The following TP53BP2 variants were observed in gnomAD, a reference collection of about 807,000 sequenced individuals.
The protein encoded by TP53BP2 is apoptosis-stimulating of p53 protein 2.
TP53BP2 carries 62 observed loss-of-function variants against 126.2 expected under a neutral mutation model. The observed-to-expected ratio is 0.49, with a 90% CI of 0.40 to 0.61. TP53BP2 has a LOEUF of 0.61. Among genes scored for constraint, TP53BP2 ranks in the 20% least tolerant of loss-of-function variants. The probability of loss-of-function intolerance (pLI) is 0.00; values close to 1 mark genes in which losing one functional copy is unlikely to be tolerated. For missense variants in TP53BP2, 1,215 were observed against 1,402.8 expected (o/e 0.87, Z 2.14); for synonymous variants, 485 against 502.9 (o/e 0.96, Z 0.48).
At chr1:223,806,571 C>T (rs181109227) in intron 5 of TP53BP2, among the ~76,000 whole-genome samples, 1 of 152,134 alleles carries the variant, frequency 6.6e-6, no homozygotes, top group Non-Finnish European at 1.5e-5. Flanking sequence ...CGCCTGTAAT[C>T]CCAACACTTT....
At chr1:223,825,732 C>A (rs1192984423) in intron 1 of TP53BP2, among the ~76,000 whole-genome samples, 3 of 152,134 alleles carry the variant, frequency 2.0e-5, no homozygotes, top group Non-Finnish European at 4.4e-5. Flanking sequence ...GGTAATACTA[C>A]AGACAGTACA....
intron 1 of TP53BP2, among the ~76,000 whole-genome samples, chr1:223,834,211 G>C (rs1377570981): frequency 6.6e-6 from 1 of 152,184 alleles, no homozygotes; most frequent in Non-Finnish European, 1.5e-5. Flanking sequence ...AAAGTCACTA[G>C]AGTAGTGATT....
chr1:223,781,490 T>C (rs907523673), intron 17 of TP53BP2, among the ~76,000 whole-genome samples: 7 of 152,164 alleles, frequency 4.6e-5, no homozygotes, highest in African/African-American at 1.7e-4. Context: ...GCAAGGCCTC[T>C]AGGCCTGAGC....
At chr1:223,800,094 G>C (rs762078073) in intron 10 of TP53BP2, 47 bp from the exon 11 acceptor site, 1 of 1,528,758 alleles carries the variant, frequency 6.5e-7, no homozygotes, top group Non-Finnish European at 8.8e-7. Flanking sequence ...TTAGAATAAA[G>C]TATCTCATTC....
At chr1:223,812,630 G>C (rs1473905673) in intron 3 of TP53BP2, among the ~76,000 whole-genome samples, 4 of 152,102 alleles carry the variant, frequency 2.6e-5, no homozygotes, top group Non-Finnish European at 5.9e-5. Flanking sequence ...TGCCATCTCG[G>C]CTCACTGCAA....
At position 223,810,514 on chromosome 1, in the gene TP53BP2, C is replaced by T; in HGVS notation, c.290-1G>A. On this transcript the variant is annotated splice_acceptor_variant, in intron 3 of 17. Transcript: ENST00000343537. LOFTEE classifies it high-confidence loss of function. ...GGATCCTGAGATCTTGGTCCACTCA[C>T]TAAGGACAAAATTCAAAAACTATGC... The T allele has an allele frequency of 2.5e-6, 4 of 1,597,016 alleles. No homozygotes were observed. The highest frequency in any genetic ancestry group is 3.4e-6 in the Non-Finnish European group (4 of 1,171,406).
chr1:223,796,182 C>T lies in TP53BP2; in HGVS notation c.2357G>A (p.Ser786Asn). 6.2e-7 allele frequency: 1 copy of T among 1,614,196 alleles called. No homozygotes were observed. Among genetic ancestry groups the T allele is most frequent in the Non-Finnish European group, 8.5e-7 (1 of 1,180,044 alleles). Residue 786 changes from serine to asparagine, a missense_variant, in exon 13 of 18, where the codon AGC becomes AAC. Around this residue, in one of 4 missense-constraint regions of TP53BP2, gnomAD observed 204 missense variants for 225.7 expected, o/e 0.90. Coordinates refer to ENST00000343537, the MANE Select transcript of TP53BP2 (RefSeq NM_001031685.3). This position sits in a 1 kb window ranked among gnomAD's most constrained non-coding sequence, Gnocchi z 4.2. ...YPSKSASVTASSESPVEIQNP... is the reference protein window; with the variant it reads ...YPSKSASVTANSESPVEIQNP... ...CTGGATTTCTACTGGGCTTTCTGAG[C>T]TGGCAGTCACAGAAGCTGACTTGGA...
At chr1:223,844,583 A>T (rs1462107157) in intron 1 of TP53BP2, among the ~76,000 whole-genome samples, 1 of 152,340 alleles carries the variant, frequency 6.6e-6, no homozygotes, top group East Asian at 1.9e-4. Flanking sequence ...TAATACTTTC[A>T]AATTCCTTGA....
intron 1 of TP53BP2, among the ~76,000 whole-genome samples, chr1:223,828,466 T>C (rs1302131936): frequency 1.3e-5 from 2 of 152,188 alleles, no homozygotes; most frequent in African/African-American, 4.8e-5. Context: ...CACATACCAT[T>C]CTTATTCATA....
Position 223,796,453 on chromosome 1 carries a change from T to C in TP53BP2, c.2086A>G (p.Asn696Asp). The C allele has an allele frequency of 6.2e-7, 1 of 1,614,198 alleles. No individual in the cohort carries two copies. ...PVSSVQENHE[N>D]ERIPRPLSPT... is the part of the protein sequence containing the mutation. ...CTGAGTGGCCGAGGAATTCTTTCGTTTTCATGGTTCTCCTGAACTGAAGAA... is the reference window on the plus strand; with the variant it reads ...CTGAGTGGCCGAGGAATTCTTTCGTCTTCATGGTTCTCCTGAACTGAAGAA... The change falls in exon 13 of 18, where the codon AAC (asparagine) becomes GAC (aspartate). Residue 696 changes from asparagine to aspartate, a missense_variant. Asn to Asp is a conservative substitution (Grantham distance 23, BLOSUM62 1). This residue lies in a region of TP53BP2 where 814 missense variants were observed against 853.0 expected (regional missense o/e 0.95). Coordinates refer to ENST00000343537, the MANE Select transcript of TP53BP2 (RefSeq NM_001031685.3). The surrounding 1 kb of genome is among the most constrained non-coding windows in gnomAD (Gnocchi z 4.2).
chr1:223,789,463 A>G (rs551005210), intron 15 of TP53BP2, among the ~76,000 whole-genome samples: 1 of 152,368 alleles, frequency 6.6e-6, no homozygotes, highest in Non-Finnish European at 1.5e-5. Context: ...GTGTATAAAC[A>G]TTTAAGAAAA....
At chr1:223,813,851 A>C (rs1662995122) in intron 3 of TP53BP2, among the ~76,000 whole-genome samples, 1 of 152,162 alleles carries the variant, frequency 6.6e-6, no homozygotes, top group African/African-American at 2.4e-5. Flanking sequence ...TTTTTAGATG[A>C]GAAATCCCTC....
At chr1:223,797,651 C>G (rs1020614957) in intron 12 of TP53BP2, among the ~76,000 whole-genome samples, 10 of 151,964 alleles carry the variant, frequency 6.6e-5, no homozygotes, top group Admixed American at 2.0e-4. Flanking sequence ...CCTCAGGTGA[C>G]CCGCCCACCT....
In TP53BP2 at chr1:223,831,477, AAAAATATATATATAT is replaced by A. The variant is rs1332039270; in HGVS notation, c.28-10125_28-10111del. On this transcript the variant is annotated intron_variant, in intron 1 of 17. Transcript: ENST00000343537. ...ACATATGTACCATCTAAAAAAAAAA[AAAAATATATATATAT>A]ATATATATATATATATATATATATA... Among the ~76,000 whole-genome samples the A allele has an allele frequency of 2.6e-3, 111 of 42,004 alleles. 2 individuals are homozygous for A. The highest frequency in any genetic ancestry group is 0.017 in the Middle Eastern group (2 of 120). 27.6% of individuals were successfully genotyped at this position (42,004 alleles called of 152,430 possible). A position where few individuals can be genotyped will look rare whatever the true frequency, so the allele number is the denominator to read the frequency against.
At chr1:223,811,512 T>G (rs1235327659) in intron 3 of TP53BP2, among the ~76,000 whole-genome samples, 1 of 152,170 alleles carries the variant, frequency 6.6e-6, no homozygotes, top group African/African-American at 2.4e-5. Context: ...TCAGGTAATC[T>G]GCCACAATAT....
At chr1:223,845,187 T>C in intron 1 of TP53BP2, 1 of 959,868 alleles carries the variant, frequency 1.0e-6, no homozygotes, top group Non-Finnish European at 1.2e-6. Context: ...ACTTAGCTGC[T>C]ACTGTGGATA....
intron 1 of TP53BP2, 133 bp downstream of exon 1, chr1:223,845,521 G>A: frequency 9.7e-7 from 1 of 1,026,994 alleles, no homozygotes; most frequent in Non-Finnish European, 1.3e-6. Flanking sequence ...TCGAAGCTCG[G>A]AAAGCCCCGG....
Position 223,793,425 on chromosome 1 carries a change from A to T in TP53BP2, c.2740T>A (p.Leu914Met). ...VSLPPGKRTN[L>M]RKTGSERIAH... ...ATACGCTCTGAGCCAGTTTTACGCA[A>T]GTTTGTCCTTTTACCCTGCAAAGAA... Residue 914 changes from leucine (L) to methionine (M), a missense_variant, in exon 14 of 18, where the codon TTG becomes ATG. Physicochemically the swap from Leu to Met is conservative, Grantham distance 15. Around this residue, in one of 4 missense-constraint regions of TP53BP2, gnomAD observed 204 missense variants for 225.7 expected, o/e 0.90. Transcript: ENST00000343537. 1 of 1,592,138 alleles carries T rather than the reference A, an allele frequency of 6.3e-7. No individual in the cohort carries two copies. Among genetic ancestry groups the T allele is most frequent in the Non-Finnish European group, 8.5e-7 (1 of 1,171,952 alleles).
At chr1:223,806,515 T>C (rs939664305) in intron 5 of TP53BP2, among the ~76,000 whole-genome samples, 4 of 152,094 alleles carry the variant, frequency 2.6e-5, no homozygotes, top group Non-Finnish European at 5.9e-5. Context: ...TAGTGGCCTG[T>C]TAGCTCTTTT....
Sources: gnomAD v4.1 joint callset for allele counts (sites outside exome capture counted in the v4.1 genomes callset) on GRCh38, gnomAD v4.1.1 for gene constraint, gnomAD v4.1.1 regional missense constraint, Gnocchi (gnomAD v3.1) non-coding constraint, MANE v1.5 for transcripts, NCBI Gene and HGNC (gene_info 2026-07-23, HGNC 2026-07-21) for gene names.